Variants in PKD2 observed in about 807,000 individuals in gnomAD.
PKD2 encodes polycystin-2.
In PKD2, 48 loss-of-function variants were observed where a neutral mutation model predicts 105.9. The ratio of observed to expected loss-of-function variants is 0.45; its 90% CI spans 0.36 to 0.58. The LOEUF (loss-of-function observed/expected upper bound fraction) is 0.58, where lower values mean the gene tolerates loss of function less well. PKD2 is among the 20% of genes least tolerant of loss of function. The pLI is 0.00. For synonymous variants in PKD2, 464 were observed against 481.1 expected (o/e 0.96, Z 0.46); for missense variants, 1,078 against 1,255.3 (o/e 0.86, Z 2.13).
intron 5 of PKD2, among the ~76,000 whole-genome samples, chr4:88,043,898 G>A (rs1467116889): frequency 6.6e-6 from 1 of 152,156 alleles, no homozygotes; most frequent in Non-Finnish European, 1.5e-5. Flanking sequence ...CTTGTAGGAT[G>A]CTCAGTAGGA....
intron 1 of PKD2, among the ~76,000 whole-genome samples, chr4:88,018,978 A>G (rs112926000): frequency 1.3e-5 from 2 of 152,218 alleles, no homozygotes; most frequent in African/African-American, 4.8e-5. Context: ...GTGATTCTCC[A>G]ACAAGGACTT....
Position 88,008,240 on chromosome 4 carries a change from C to T in PKD2, c.507C>T (p.Gly169=), listed in dbSNP as rs1726255254. 5 of 1,450,010 alleles carry T rather than the reference C, an allele frequency of 3.4e-6. No homozygotes were observed. The highest frequency in any genetic ancestry group is 3.6e-6 in the Non-Finnish European group (4 of 1,105,492). 89.8% of individuals were successfully genotyped at this position (1,450,010 alleles called of 1,614,324 possible). A position where few individuals can be genotyped will look rare whatever the true frequency, so the allele number is the denominator to read the frequency against. Reference sequence around the variant, plus strand: ...GCCCGCCGTGCCCCAGCCCAGTCGGCGGCGGGGACCCGCTGCATCGCCACC... The same window carrying T: ...GCCCGCCGTGCCCCAGCCCAGTCGGTGGCGGGGACCCGCTGCATCGCCACC... The part of the protein sequence containing the change: ...DQGPPCPSPV[G]GGDPLHRHLP... Residue 169 remains glycine, a synonymous_variant, in exon 1 of 15, where the codon GGC becomes GGT. Coordinates refer to ENST00000237596, the MANE Select transcript of PKD2 (RefSeq NM_000297.4).
Position 88,019,543 on chromosome 4 carries a change from C to A in PKD2, c.681C>A (p.Tyr227Ter). The change falls in exon 2 of 15, where the codon TAC becomes TAA. Residue 227 changes from tyrosine to a stop codon, truncating the protein, a stop_gained. Transcript: ENST00000237596. LOFTEE classifies it high-confidence loss of function. ...GTGTTTTACGGGAACTGGTCACATA[C>A]CTCCTTTTTCTCATAGTCTTGTGCA... ...LKSVLRELVT[Y>*]LLFLIVLCIL... is the part of the protein sequence containing the mutation. The A allele has an allele frequency of 6.3e-7, 1 of 1,582,648 alleles. No individual in the cohort carries two copies. The highest frequency in any genetic ancestry group is 8.7e-7 in the Non-Finnish European group (1 of 1,151,332).
At chr4:88,058,416 C>G (rs1042013545) in intron 9 of PKD2, among the ~76,000 whole-genome samples, 5 of 152,048 alleles carry the variant, frequency 3.3e-5, no homozygotes, top group Non-Finnish European at 5.9e-5. Flanking sequence ...GAAATTAGAT[C>G]AAGTACAAAT....
Position 88,040,152 on chromosome 4 carries a change from C to G in PKD2, c.1094+1651C>G, listed in dbSNP as rs528131770. Among the ~76,000 whole-genome samples the G allele has an allele frequency of 2.0e-5, 3 of 152,212 alleles. No homozygotes were observed. The East Asian group carries it at 5.8e-4, about 29-fold the overall frequency. ...GATGAAAAAACTGAGGCTCACTTGC[C>G]CAAAGTGTCACAGCTAACAAATTGG... On this transcript the variant is annotated intron_variant, in intron 4 of 14. Transcript: ENST00000237596.
chr4:88,046,884 C>G lies in PKD2; in HGVS notation c.1548+14C>G, dbSNP rs1727794915. On this transcript the variant is annotated intron_variant, in intron 6 of 14. Transcript: ENST00000237596. ...GTGATCGTTGTGGTAGGTTTGAGAA[C>G]AACACCAAATTTCCTATTCTATTCT... The G allele has an allele frequency of 2.1e-6, 3 of 1,423,048 alleles. No homozygotes were observed. The East Asian group carries it at 6.8e-5, about 32-fold the overall frequency. 88.2% of individuals were successfully genotyped at this position (1,423,048 alleles called of 1,614,324 possible).
chr4:88,048,605 A>G (rs1727860839), intron 6 of PKD2, among the ~76,000 whole-genome samples: 1 of 152,152 alleles, frequency 6.6e-6, no homozygotes, highest in Admixed American at 6.5e-5. Context: ...CTACTCTGCC[A>G]CTGCCTCTCA....
intron 7 of PKD2, among the ~76,000 whole-genome samples, chr4:88,054,905 C>T (rs569519095): frequency 1.6e-4 from 25 of 152,208 alleles, no homozygotes; most frequent in African/African-American, 5.8e-4. Flanking sequence ...CCACCCACCT[C>T]GGCCTCCCAA....
intron 1 of PKD2, among the ~76,000 whole-genome samples, chr4:88,012,332 T>C (rs1308292644): frequency 6.6e-6 from 1 of 152,228 alleles, no homozygotes; most frequent in Non-Finnish European, 1.5e-5. Flanking sequence ...CAGTCAGGAT[T>C]TAATTCCAGG....
intron 6 of PKD2, 75 bp from the exon 7 acceptor site, chr4:88,051,916 A>G: frequency 1.2e-6 from 1 of 802,282 alleles, no homozygotes; most frequent in Non-Finnish European, 2.1e-6. Flanking sequence ...GGTGAAGAAA[A>G]ATATACTAGT....
chr4:88,069,227 C>T (rs1464445737), intron 13 of PKD2, among the ~76,000 whole-genome samples: 1 of 152,000 alleles, frequency 6.6e-6, no homozygotes, highest in African/African-American at 2.4e-5. Context: ...ATAATTGGAT[C>T]TTATCTTTTT....
chr4:88,009,748 A>C (rs1049211234), intron 1 of PKD2, among the ~76,000 whole-genome samples: 2 of 152,314 alleles, frequency 1.3e-5, no homozygotes, highest in Admixed American at 1.3e-4. Context: ...ACTTTTTAAG[A>C]TTCAAAACTG....
chr4:88,007,682 A>T lies in PKD2; in HGVS notation c.-52A>T. ...GAAAGGAACATGGCTCCTGAGGCGC[A>T]CAGCGCCGAGCGCGGCGCCGCGCAC... is the stretch of plus-strand genomic sequence containing the variant. On this transcript the variant is annotated 5_prime_UTR_variant, in exon 1 of 15. Coordinates refer to ENST00000237596, the MANE Select transcript of PKD2 (RefSeq NM_000297.4). 5 of 1,105,682 alleles carry T rather than the reference A, an allele frequency of 4.5e-6. No homozygotes were observed. Among genetic ancestry groups the T allele is most frequent in the Non-Finnish European group, 5.5e-6 (5 of 903,780 alleles). The allele number at this position is 1,105,682 out of a possible 1,614,324, so 68.5% of individuals were successfully genotyped here.
chr4:88,064,824 C>G (rs958039589), intron 10 of PKD2, among the ~76,000 whole-genome samples: 3 of 151,768 alleles, frequency 2.0e-5, no homozygotes, highest in African/African-American at 4.8e-5. Flanking sequence ...CTCAGGAGGT[C>G]GAGGCTGCAG....
intron 7 of PKD2, among the ~76,000 whole-genome samples, chr4:88,054,821 ATT>A (rs1369636268): frequency 6.7e-6 from 1 of 150,022 alleles, no homozygotes; most frequent in Non-Finnish European, 1.5e-5. Flanking sequence ...CGCCCGGCTA[ATT>A]TTTTATATTT....
In PKD2 at chr4:88,075,474, G is replaced by A. The variant is rs143500495; in HGVS notation, c.2687G>A (p.Arg896His). 1.1e-5 allele frequency: 17 copies of A among 1,613,724 alleles called. No homozygotes were observed. Among genetic ancestry groups the A allele is most frequent in the African/African-American group, 2.7e-5 (2 of 74,898 alleles). ...DGVAEDERLG[R>H]DSEIHREQME... Reference sequence around the variant, plus strand: ...CCTTTTTAGGATGAAAGGCTGGGTCGTGACAGTGAAATCCATAGGGAACAG... The same window carrying A: ...CCTTTTTAGGATGAAAGGCTGGGTCATGACAGTGAAATCCATAGGGAACAG... Residue 896 changes from arginine to histidine, a missense_variant, in exon 15 of 15, where the codon CGT (arginine) becomes CAT (histidine). Physicochemically the swap from Arg to His is conservative, Grantham distance 29. Coordinates refer to ENST00000237596, the MANE Select transcript of PKD2 (RefSeq NM_000297.4).
chr4:88,027,498 A>G (rs1217011033), intron 2 of PKD2, among the ~76,000 whole-genome samples: 1 of 152,158 alleles, frequency 6.6e-6, no homozygotes, highest in African/African-American at 2.4e-5. Context: ...GATTTTACAG[A>G]CTCAGGCAGA....
intron 2 of PKD2, among the ~76,000 whole-genome samples, chr4:88,019,833 A>C (rs1560598201): frequency 6.6e-6 from 1 of 152,216 alleles, no homozygotes; most frequent in Non-Finnish European, 1.5e-5. Flanking sequence ...TGGCAACAGA[A>C]GGCTCTGAAA....
At chr4:88,045,668 GA>G (rs888546380) in intron 5 of PKD2, among the ~76,000 whole-genome samples, 4 of 151,968 alleles carry the variant, frequency 2.6e-5, no homozygotes, top group Admixed American at 2.6e-4. Context: ...CATTTGACAA[GA>G]AAAAAACCCT....
Sources: allele counts gnomAD v4.1 joint callset (sites outside exome capture counted in the v4.1 genomes callset), GRCh38; gene constraint gnomAD v4.1.1; transcripts MANE v1.5; gene names NCBI Gene and HGNC (gene_info 2026-07-23, HGNC 2026-07-21).